The following SLC35F4 variants were observed in gnomAD, a reference collection of about 807,000 sequenced individuals.
SLC35F4 encodes the protein solute carrier family 35 member F4.
SLC35F4 carries 24 observed loss-of-function variants against 44.2 expected under a neutral mutation model. That is an observed-to-expected ratio of 0.54 (90% CI 0.39 to 0.76). The LOEUF (loss-of-function observed/expected upper bound fraction) is 0.76, where lower values mean the gene tolerates loss of function less well. SLC35F4 is among the 30% of genes least tolerant of loss of function. SLC35F4 has a pLI of 0.00. For synonymous variants in SLC35F4, 238 were observed against 223.6 expected (o/e 1.06, Z -0.57); for missense variants, 562 against 586.1 (o/e 0.96, Z 0.42).
intron 1 of SLC35F4, among the ~76,000 whole-genome samples, chr14:57,778,923 A>T (rs1443558159): frequency 6.6e-6 from 1 of 152,166 alleles, no homozygotes; most frequent in Non-Finnish European, 1.5e-5. Context: ...TTTGAAACCA[A>T]TGAGAATAAT....
At chr14:57,581,736 G>A (rs1166885694) in intron 3 of SLC35F4, among the ~76,000 whole-genome samples, 1 of 152,200 alleles carries the variant, frequency 6.6e-6, no homozygotes, top group Non-Finnish European at 1.5e-5. Context: ...CAGAAATACC[G>A]AAATTGGTAG....
rs1209440143 is a variant in SLC35F4 at position 57,571,879 on chromosome 14, A to G, written c.933+15T>C. 4 of 1,602,860 alleles carry G rather than the reference A, an allele frequency of 2.5e-6. No homozygotes were observed. Among genetic ancestry groups the G allele is most frequent in the Non-Finnish European group, 3.4e-6 (4 of 1,173,608 alleles). The stretch of plus-strand genomic sequence containing the variant: ...ATGAGTGACAGTTGCTTACAAAAGA[A>G]AGTGCACAACATACCTTATATAATG... On this transcript the variant is annotated intron_variant, in intron 5 of 7. Transcript: ENST00000556826.
At chr14:57,604,218 T>C (rs1356886068) in intron 1 of SLC35F4, 2 of 152,210 alleles carry the variant, frequency 1.3e-5, no homozygotes, top group Non-Finnish European at 2.9e-5. Flanking sequence ...CAAGTGGAGA[T>C]TCATTTCTAT....
At chr14:57,662,726 C>G (rs569308508) in intron 1 of SLC35F4, among the ~76,000 whole-genome samples, 1 of 152,334 alleles carries the variant, frequency 6.6e-6, no homozygotes, top group South Asian at 2.1e-4. Context: ...TGGACTAAAA[C>G]ATAGCCTCTA....
At chr14:57,939,679 G>A (rs1475829219) in intron 1 of SLC35F4, among the ~76,000 whole-genome samples, 1 of 152,178 alleles carries the variant, frequency 6.6e-6, no homozygotes, top group Non-Finnish European at 1.5e-5. Flanking sequence ...TTAATTAATG[G>A]AGTTGGAATA....
intron 1 of SLC35F4, among the ~76,000 whole-genome samples, chr14:57,981,040 G>A (rs538009515): frequency 1.2e-4 from 19 of 152,170 alleles, no homozygotes; most frequent in South Asian, 8.3e-4. Flanking sequence ...AGAAGGATTC[G>A]CCTCTATTCC....
intron 1 of SLC35F4, among the ~76,000 whole-genome samples, chr14:57,741,455 A>G (rs1043669775): frequency 2.6e-5 from 4 of 152,212 alleles, no homozygotes; most frequent in African/African-American, 7.2e-5. Flanking sequence ...ACAAGCTTCA[A>G]TAGCCAATTC....
intron 1 of SLC35F4, among the ~76,000 whole-genome samples, chr14:57,643,152 A>C (rs189691428): frequency 6.6e-6 from 1 of 152,176 alleles, no homozygotes; most frequent in African/African-American, 2.4e-5. Flanking sequence ...CTTCAGAAAA[A>C]AAAAATAAAA....
chr14:57,967,983 G>C (rs1880933537), intron 1 of SLC35F4, among the ~76,000 whole-genome samples: 1 of 152,118 alleles, frequency 6.6e-6, no homozygotes, highest in South Asian at 2.1e-4. Context: ...TAAATTCTTA[G>C]TCTGTTTTCT....
At chr14:57,758,620 T>C (rs755666425) in intron 1 of SLC35F4, among the ~76,000 whole-genome samples, 1 of 152,158 alleles carries the variant, frequency 6.6e-6, no homozygotes, top group East Asian at 1.9e-4. Flanking sequence ...TGTCTGCTAA[T>C]TCTAATGTCT....
At chr14:57,735,560 T>C (rs2076441807) in intron 1 of SLC35F4, among the ~76,000 whole-genome samples, 1 of 152,170 alleles carries the variant, frequency 6.6e-6, no homozygotes, top group Non-Finnish European at 1.5e-5. Context: ...CATGCTAGAC[T>C]AGCTTTCCCA....
chr14:57,650,378 C>T (rs1484570795), intron 1 of SLC35F4, among the ~76,000 whole-genome samples: 1 of 152,100 alleles, frequency 6.6e-6, no homozygotes, highest in Non-Finnish European at 1.5e-5. Flanking sequence ...TATTTCTCTC[C>T]TCAGACATTT....
intron 1 of SLC35F4, among the ~76,000 whole-genome samples, chr14:57,891,626 C>G (rs1013257021): frequency 6.6e-6 from 1 of 152,064 alleles, no homozygotes; most frequent in Non-Finnish European, 1.5e-5. Flanking sequence ...TCCTGTAATC[C>G]CAGCACTTTG....
intron 1 of SLC35F4, among the ~76,000 whole-genome samples, chr14:57,684,845 C>T (rs766313599): frequency 6.6e-6 from 1 of 152,106 alleles, no homozygotes; most frequent in Non-Finnish European, 1.5e-5. Flanking sequence ...TCCTTTTGTC[C>T]TCTCTCTCAG....
intron 1 of SLC35F4, among the ~76,000 whole-genome samples, chr14:57,709,829 C>T (rs2075773622): frequency 6.6e-6 from 1 of 152,108 alleles, no homozygotes; most frequent in South Asian, 2.1e-4. Flanking sequence ...TAAAAGCATT[C>T]AGTTTTATGC....
intron 1 of SLC35F4, among the ~76,000 whole-genome samples, chr14:57,723,888 A>T (rs993086399): frequency 6.6e-6 from 1 of 152,196 alleles, no homozygotes; most frequent in Admixed American, 6.5e-5. Context: ...TTGGTGAGAC[A>T]TTTGTGTGCC....
chr14:57,626,804 G>A (rs1477382293), intron 1 of SLC35F4, among the ~76,000 whole-genome samples: 1 of 152,186 alleles, frequency 6.6e-6, no homozygotes, highest in Non-Finnish European at 1.5e-5. Flanking sequence ...ACATCAAAGT[G>A]TGGCAGCACA....
At chr14:57,669,307 T>G (rs571809483) in intron 1 of SLC35F4, among the ~76,000 whole-genome samples, 1 of 152,102 alleles carries the variant, frequency 6.6e-6, no homozygotes, top group African/African-American at 2.4e-5. Context: ...CTTTTCCTAA[T>G]TGAATACCCT....
At chr14:57,760,971 C>G (rs1027373394) in intron 1 of SLC35F4, among the ~76,000 whole-genome samples, 1 of 152,138 alleles carries the variant, frequency 6.6e-6, no homozygotes, top group Non-Finnish European at 1.5e-5. Flanking sequence ...CGGCACTCTA[C>G]CCACTGACAT....
Sources: gnomAD v4.1 joint callset for allele counts (sites outside exome capture counted in the v4.1 genomes callset) on GRCh38, gnomAD v4.1.1 for gene constraint, MANE v1.5 for transcripts, NCBI Gene and HGNC (gene_info 2026-07-23, HGNC 2026-07-21) for gene names.